ZNF385B: variants seen among roughly 807,000 people sequenced by gnomAD.
ZNF385B encodes the protein zinc finger protein 533.
Under a neutral mutation model 39.2 loss-of-function variants are expected in ZNF385B, and 23 were observed. That is an observed-to-expected ratio of 0.59 (90% CI 0.42 to 0.83). ZNF385B has a LOEUF of 0.83. ZNF385B is among the 40% of genes least tolerant of loss of function. The pLI, the probability that ZNF385B is intolerant of heterozygous loss-of-function variation, is 0.00. For missense variants in ZNF385B, 552 were observed against 598.9 expected (o/e 0.92, Z 0.82); for synonymous variants, 205 against 222.6 (o/e 0.92, Z 0.70).
chr2:179,589,539 C>T (rs116130920), intron 3 of ZNF385B, among the ~76,000 whole-genome samples: 4,593 of 152,144 alleles, frequency 0.03, 92 homozygotes, highest in Middle Eastern at 0.041. Flanking sequence ...TTACCTGTTG[C>T]GCAGAGAAGG....
intron 1 of ZNF385B, among the ~76,000 whole-genome samples, chr2:179,772,300 C>T (rs896406386): frequency 6.6e-6 from 1 of 152,136 alleles, no homozygotes; most frequent in Admixed American, 6.5e-5. Flanking sequence ...CTTTTCAACC[C>T]TATTTTACCT....
chr2:179,646,611 C>T (rs1485921607), intron 3 of ZNF385B, among the ~76,000 whole-genome samples: 1 of 151,922 alleles, frequency 6.6e-6, no homozygotes, highest in African/African-American at 2.4e-5. Context: ...GACTTGCTGC[C>T]TGTAAAACCT....
chr2:179,814,236 A>G lies in ZNF385B; in HGVS notation c.-154-43564T>C, dbSNP rs878987425. 6 of 189,998 alleles carry G rather than the reference A, an allele frequency of 3.2e-5. No homozygotes were observed. The South Asian group carries it at 5.1e-4, about 16-fold the overall frequency. The allele number at this position is 189,998 out of a possible 1,614,324, so 11.8% of individuals were successfully genotyped here. On this transcript the variant is annotated intron_variant, in intron 1 of 9. Transcript: ENST00000410066. ...TGGCACCTGGCCTTGGGCAGTGGCAAGTATGTGGGCCATCATGTCACACAT... is the reference window on the plus strand; with the variant it reads ...TGGCACCTGGCCTTGGGCAGTGGCAGGTATGTGGGCCATCATGTCACACAT...
intron 1 of ZNF385B, among the ~76,000 whole-genome samples, chr2:179,777,610 C>T (rs1704403678): frequency 6.6e-6 from 1 of 151,712 alleles, no homozygotes; most frequent in Admixed American, 6.5e-5. Flanking sequence ...ATTAACTTTT[C>T]TAGGAAAAAA....
chr2:179,831,869 G>A (rs1237235680), intron 1 of ZNF385B, among the ~76,000 whole-genome samples: 2 of 152,226 alleles, frequency 1.3e-5, no homozygotes, highest in Non-Finnish European at 2.9e-5. Flanking sequence ...GACTGATAGA[G>A]AAAATCTCTG....
At chr2:179,822,484 C>A (rs1322474242) in intron 1 of ZNF385B, among the ~76,000 whole-genome samples, 3 of 152,172 alleles carry the variant, frequency 2.0e-5, no homozygotes, top group African/African-American at 7.2e-5. Context: ...GCAGCAACAG[C>A]AGCAACATAG....
At chr2:179,636,338 C>A (rs992728641) in intron 3 of ZNF385B, among the ~76,000 whole-genome samples, 4 of 152,122 alleles carry the variant, frequency 2.6e-5, no homozygotes, top group Non-Finnish European at 5.9e-5. Flanking sequence ...GCTGGCATGG[C>A]TGGCAATAGC....
At chr2:179,753,741 A>C (rs1702833049) in intron 3 of ZNF385B, among the ~76,000 whole-genome samples, 1 of 151,764 alleles carries the variant, frequency 6.6e-6, no homozygotes, top group African/African-American at 2.4e-5. Context: ...TCTGTCTGTT[A>C]TTGGTGTATA....
intron 6 of ZNF385B, among the ~76,000 whole-genome samples, chr2:179,465,900 T>C (rs1036878621): frequency 6.6e-6 from 1 of 152,218 alleles, no homozygotes; most frequent in Non-Finnish European, 1.5e-5. Flanking sequence ...TGTCTTGATT[T>C]ACCTTTATGC....
At chr2:179,448,278 A>G (rs2105558549) in intron 6 of ZNF385B, among the ~76,000 whole-genome samples, 1 of 152,250 alleles carries the variant, frequency 6.6e-6, no homozygotes, top group East Asian at 1.9e-4. Context: ...ATAATATTTT[A>G]GGCCTGGAAC....
At chr2:179,687,313 C>T (rs899623081) in intron 3 of ZNF385B, among the ~76,000 whole-genome samples, 1 of 151,782 alleles carries the variant, frequency 6.6e-6, no homozygotes, top group Non-Finnish European at 1.5e-5. Flanking sequence ...AACTGATAAA[C>T]ATCAACTTGA....
intron 3 of ZNF385B, among the ~76,000 whole-genome samples, chr2:179,599,814 A>G (rs998602460): frequency 2.6e-5 from 4 of 152,212 alleles, no homozygotes. Context: ...GCCAGGTTTG[A>G]TGACTTAGTA....
At chr2:179,731,895 C>T (rs1701417962) in intron 3 of ZNF385B, among the ~76,000 whole-genome samples, 1 of 152,248 alleles carries the variant, frequency 6.6e-6, no homozygotes, top group African/African-American at 2.4e-5. Flanking sequence ...ACCAGCTTGC[C>T]TGCTTTGCCA....
At chr2:179,579,867 G>A (rs4894110) in intron 3 of ZNF385B, among the ~76,000 whole-genome samples, 4 of 151,940 alleles carry the variant, frequency 2.6e-5, no homozygotes, top group Non-Finnish European at 5.9e-5. Context: ...TCTATTATTT[G>A]CATGTCACAG....
At chr2:179,860,785 T>G (rs1294913003) in intron 1 of ZNF385B, 5 of 463,070 alleles carry the variant, frequency 1.1e-5, no homozygotes, top group Non-Finnish European at 1.4e-5. Context: ...CTTTCCCCTC[T>G]CCATCCGTCC....
chr2:179,813,832 C>T (rs546122858), intron 1 of ZNF385B, among the ~76,000 whole-genome samples: 2 of 152,260 alleles, frequency 1.3e-5, no homozygotes, highest in Admixed American at 6.5e-5. Context: ...AGTCATAAAA[C>T]AGTATACATC....
In ZNF385B at chr2:179,698,516, T is replaced by C. The variant is rs567676785; in HGVS notation, c.298+70987A>G. 3.0e-4 allele frequency among the ~76,000 whole-genome samples: 46 copies of C among 152,298 alleles called. 1 individual carries two copies. The South Asian group carries it at 9.3e-3, about 31-fold the overall frequency. On this transcript the variant is annotated intron_variant, in intron 3 of 9. Transcript: ENST00000410066. ...CAGCATCATTTATTCAAATCAAATATCCATTTTTAAATCAAGGGCAACTAC... is the reference window on the plus strand; with the variant it reads ...CAGCATCATTTATTCAAATCAAATACCCATTTTTAAATCAAGGGCAACTAC...
chr2:179,846,359 T>G (rs541417568), intron 1 of ZNF385B, among the ~76,000 whole-genome samples: 1 of 152,218 alleles, frequency 6.6e-6, no homozygotes, highest in Admixed American at 6.5e-5. Context: ...TCTGTTACAT[T>G]TGCATATTTT....
At chr2:179,662,487 G>C (rs1024814468) in intron 3 of ZNF385B, among the ~76,000 whole-genome samples, 4 of 151,612 alleles carry the variant, frequency 2.6e-5, no homozygotes, top group African/African-American at 7.3e-5. Context: ...AACTAATACA[G>C]CATCTTTACC....
Sources: allele counts gnomAD v4.1 joint callset (sites outside exome capture counted in the v4.1 genomes callset), GRCh38; gene constraint gnomAD v4.1.1; transcripts MANE v1.5; gene names NCBI Gene and HGNC (gene_info 2026-07-23, HGNC 2026-07-21).